UBXN8: variants seen among roughly 807,000 people sequenced by gnomAD.
The protein encoded by UBXN8 is UBX domain-containing protein 8.
UBXN8 carries 27 observed loss-of-function variants against 32.1 expected under a neutral mutation model. That is an observed-to-expected ratio of 0.84 (90% CI 0.62 to 1.16). The LOEUF is 1.16. Ranked by LOEUF, UBXN8 falls within the 50% of genes most tolerant of loss-of-function variation. UBXN8 has a pLI of 0.00. For missense variants in UBXN8, 306 were observed against 311.4 expected (o/e 0.98, Z 0.13); for synonymous variants, 109 against 111.8 (o/e 0.98, Z 0.16).
intron 1 of UBXN8, among the ~76,000 whole-genome samples, chr8:30,735,642 C>T (rs1218708298): frequency 1.3e-5 from 2 of 152,178 alleles, no homozygotes; most frequent in Admixed American, 1.3e-4. Flanking sequence ...AATTCAAAAC[C>T]AGCCTGACCA....
At chr8:30,745,184 A>G (rs1006475562) in intron 1 of UBXN8, among the ~76,000 whole-genome samples, 2 of 152,318 alleles carry the variant, frequency 1.3e-5, no homozygotes, top group African/African-American at 4.8e-5. Flanking sequence ...GGCCTGGACT[A>G]GAACAATAAC....
upstream of UBXN8, among the ~76,000 whole-genome samples, chr8:30,731,957 C>T (rs552050643): frequency 2.0e-5 from 3 of 152,188 alleles, no homozygotes; most frequent in Non-Finnish European, 4.4e-5. Flanking sequence ...TTACATCCAA[C>T]AGTACCTAAC....
chr8:30,739,417 G>A (rs1390982889), upstream of UBXN8, among the ~76,000 whole-genome samples: 2 of 152,170 alleles, frequency 1.3e-5, no homozygotes, highest in East Asian at 1.9e-4. Flanking sequence ...GGTGGCGGGC[G>A]CCTGTAGTCC....
At chr8:30,750,013 A>G (rs1201695106) in intron 1 of UBXN8, among the ~76,000 whole-genome samples, 1 of 152,186 alleles carries the variant, frequency 6.6e-6, no homozygotes, top group African/African-American at 2.4e-5. Context: ...GATCGCTCTA[A>G]TTGTAACTGT....
At chr8:30,748,485 C>G (rs899341650) in intron 1 of UBXN8, among the ~76,000 whole-genome samples, 3 of 149,186 alleles carry the variant, frequency 2.0e-5, no homozygotes, top group Non-Finnish European at 3.0e-5. Context: ...AAAAAAAAGG[C>G]AAGAATATAC....
intron 5 of UBXN8, among the ~76,000 whole-genome samples, chr8:30,760,443 A>ATATTTTTT (rs1196366158): frequency 0.059 from 5,356 of 90,876 alleles, 262 homozygotes; most frequent in Non-Finnish European, 0.075. Context: ...ATATATATAT[A>ATATTTTTT]TTTTTTTTTT....
At chr8:30,754,321 C>T in intron 3 of UBXN8, 1 of 400,040 alleles carries the variant, frequency 2.5e-6, no homozygotes, top group South Asian at 2.0e-5. Flanking sequence ...CTTGGTTTCC[C>T]ATTTGTGACA....
chr8:30,732,547 A>G (rs1563553320), upstream of UBXN8: 1 of 308,874 alleles, frequency 3.2e-6, no homozygotes, highest in South Asian at 1.6e-4. Context: ...AAGCCTTTGT[A>G]TGAGGTCACA....
intron 2 of UBXN8, among the ~76,000 whole-genome samples, chr8:30,752,227 G>A (rs1410626596): frequency 1.3e-5 from 2 of 152,114 alleles, no homozygotes; most frequent in Admixed American, 6.6e-5. Context: ...TCATCCTAAT[G>A]TTTTATTCCA....
chr8:30,751,856 A>G (rs1805530713), intron 2 of UBXN8, among the ~76,000 whole-genome samples: 1 of 150,822 alleles, frequency 6.6e-6, no homozygotes, highest in Admixed American at 6.6e-5. Flanking sequence ...CCTACAGTTT[A>G]TGAGCTGTTC....
chr8:30,758,257 G>A (rs536222700), intron 5 of UBXN8, among the ~76,000 whole-genome samples: 61 of 152,250 alleles, frequency 4.0e-4, no homozygotes, highest in Middle Eastern at 6.8e-3. Flanking sequence ...TAATGCTTAC[G>A]AAGGGAAGCA....
chr8:30,741,534 C>T (rs573692808), upstream of UBXN8, among the ~76,000 whole-genome samples: 1 of 146,424 alleles, frequency 6.8e-6, no homozygotes, highest in South Asian at 2.1e-4. Context: ...TCACTGCAAC[C>T]TCTACCTCCT....
At chr8:30,752,854 A>G (rs958407228) in intron 2 of UBXN8, among the ~76,000 whole-genome samples, 181 bp from the exon 3 acceptor site, 2 of 152,334 alleles carry the variant, frequency 1.3e-5, no homozygotes, top group African/African-American at 4.8e-5. Context: ...AACTGTGAAC[A>G]AAACCATAAT....
At chr8:30,743,212 A>G (rs561065314), upstream of UBXN8, among the ~76,000 whole-genome samples, 111 of 139,212 alleles carry the variant, frequency 8.0e-4, no homozygotes, top group African/African-American at 2.9e-3. Flanking sequence ...GCTGGAGTGC[A>G]GTGGTGCAAA....
At chr8:30,753,807 C>T (rs1367904050) in intron 3 of UBXN8, among the ~76,000 whole-genome samples, 1 of 130,106 alleles carries the variant, frequency 7.7e-6, no homozygotes, top group Non-Finnish European at 1.6e-5. Flanking sequence ...GGGCCTCTCT[C>T]TGTTGCCCAG....
In UBXN8 at chr8:30,758,099, T is replaced by C. The variant is rs1342636464; in HGVS notation, c.528+1212T>C. Among the ~76,000 whole-genome samples, 4 of 152,026 alleles carry C rather than the reference T, an allele frequency of 2.6e-5. No individual in the cohort carries two copies. In the South Asian group the frequency reaches 6.2e-4, roughly 24 times the overall value. ...TTTTAGTAGAGACGGGGTTTCACCA[T>C]GTTAGCCAGGATGGTCTCAATCTCC... On this transcript the variant is annotated intron_variant, in intron 5 of 7. Coordinates refer to ENST00000265616, the MANE Select transcript of UBXN8 (RefSeq NM_005671.4).
intron 1 of UBXN8, among the ~76,000 whole-genome samples, chr8:30,746,259 T>C (rs1805354715): frequency 1.3e-5 from 2 of 152,104 alleles, no homozygotes; most frequent in Non-Finnish European, 2.9e-5. Context: ...TTTGGATTGT[T>C]TCCTCTTTTC....
chr8:30,751,704 T>G (rs1452033142), intron 2 of UBXN8, among the ~76,000 whole-genome samples, 186 bp downstream of exon 2: 1 of 152,184 alleles, frequency 6.6e-6, no homozygotes, highest in Non-Finnish European at 1.5e-5. Context: ...TTGTTTTGCA[T>G]GGAGTATATC....
At position 30,738,333 on chromosome 8, in the gene UBXN8, G is replaced by C. The variant is rs2128752019; in HGVS notation, c.622+5025G>C. Among the ~76,000 whole-genome samples the C allele has an allele frequency of 3.9e-5, 6 of 152,010 alleles. 1 individual carries two copies. The South Asian group carries it at 1.2e-3, about 32-fold the overall frequency. Reference sequence around the variant, plus strand: ...GAGTTTGAGACCAGCCTGGGAAACAGAGCAATCAAGACTCTGTCTTTTTAA... The same window carrying C: ...GAGTTTGAGACCAGCCTGGGAAACACAGCAATCAAGACTCTGTCTTTTTAA... On this transcript the variant is annotated intron_variant, in intron 1 of 1. Coordinates refer to the UBXN8 transcript ENST00000522968.
Sources: gnomAD v4.1 joint callset for allele counts (sites outside exome capture counted in the v4.1 genomes callset) on GRCh38, gnomAD v4.1.1 for gene constraint, MANE v1.5 for transcripts, NCBI Gene and HGNC (gene_info 2026-07-23, HGNC 2026-07-21) for gene names.